OCLN: variants seen among roughly 807,000 people sequenced by gnomAD.
OCLN encodes the protein phosphatase 1, regulatory subunit 115.
In OCLN, 21 loss-of-function variants were observed where a neutral mutation model predicts 47.9. That is an observed-to-expected ratio of 0.44 (90% CI 0.31 to 0.63). The LOEUF (loss-of-function observed/expected upper bound fraction) is 0.63. OCLN is among the 30% of genes least tolerant of loss of function. OCLN has a pLI of 0.08. For missense variants in OCLN, 360 were observed against 571.0 expected (o/e 0.63, Z 3.77); for synonymous variants, 117 against 198.4 (o/e 0.59, Z 3.45).
At chr5:69,515,193 G>A (rs1398931338) in intron 4 of OCLN, among the ~76,000 whole-genome samples, 295 of 148,538 alleles carry the variant, frequency 2.0e-3, no homozygotes, top group African/African-American at 7.1e-3. Context: ...GCGGCTGGCC[G>A]GGCAGAGGGG....
In OCLN at chr5:69,515,137, G is replaced by T. The variant is rs980146849; in HGVS notation, c.891+1028G>T. On this transcript the variant is annotated intron_variant, in intron 4 of 8. Coordinates refer to ENST00000396442, the MANE Select transcript of OCLN (RefSeq NM_001205254.2). ...CGCCCCTCACCTCCTGGACCGGGCGGCTGGCCGGGCGGGGGGCTGACCCCC... is the reference window on the plus strand; with the variant it reads ...CGCCCCTCACCTCCTGGACCGGGCGTCTGGCCGGGCGGGGGGCTGACCCCC... Among the ~76,000 whole-genome samples the T allele has an allele frequency of 4.0e-5, 6 of 150,920 alleles. No individual in the cohort carries two copies. In the East Asian group the frequency reaches 8.0e-4, roughly 20 times the overall value.
chr5:69,530,921 T>G (rs1196534521), intron 4 of OCLN, among the ~76,000 whole-genome samples: 1 of 152,170 alleles, frequency 6.6e-6, no homozygotes, highest in East Asian at 1.9e-4. Context: ...GCAGCAAACT[T>G]GGGGCTCCCG....
In OCLN at chr5:69,532,818, A is replaced by G. The variant is rs544642813; in HGVS notation, c.892-1876A>G. On this transcript the variant is annotated intron_variant, in intron 4 of 8. Coordinates refer to ENST00000396442, the MANE Select transcript of OCLN (RefSeq NM_001205254.2). The stretch of plus-strand genomic sequence containing the variant: ...CCCCATCTCTACTAAAAATACAAAA[A>G]TTAGCCGGGCATGTTGGTGGGTGCC... 4.2e-4 allele frequency among the ~76,000 whole-genome samples: 64 copies of G among 152,054 alleles called. No homozygotes were observed. The South Asian group carries it at 4.6e-3, about 11-fold the overall frequency.
At chr5:69,508,028 A>G (rs1768655615) in intron 2 of OCLN, among the ~76,000 whole-genome samples, 3 of 152,112 alleles carry the variant, frequency 2.0e-5, no homozygotes, top group Admixed American at 1.3e-4. Flanking sequence ...TCTTCATATT[A>G]TATCTTTGAA....
Position 69,547,788 on chromosome 5 carries a change from C to A in OCLN, c.1254-142C>A, listed in dbSNP as rs187376284. On this transcript the variant is annotated intron_variant, in intron 6 of 8. Transcript: ENST00000396442. Reference sequence around the variant, plus strand: ...AATAGAACTTATTTGTATTCTCTCTCTCTTTCCCCATAAGAAACAAAAACG... The same window carrying A: ...AATAGAACTTATTTGTATTCTCTCTATCTTTCCCCATAAGAAACAAAAACG... The A allele has an allele frequency of 1.5e-3, 1,099 of 737,040 alleles. 30 individuals are homozygous for A. The African/African-American group carries it at 0.017, about 11-fold the overall frequency. 45.7% of individuals were successfully genotyped at this position (737,040 alleles called of 1,614,324 possible).
intron 7 of OCLN, among the ~76,000 whole-genome samples, chr5:69,549,934 A>G (rs1487381672): frequency 6.6e-6 from 1 of 150,986 alleles, no homozygotes; most frequent in African/African-American, 2.4e-5. Flanking sequence ...AAACAAACAA[A>G]AAAACTTCCT....
At chr5:69,531,127 G>T (rs1254175910) in intron 4 of OCLN, among the ~76,000 whole-genome samples, 1 of 152,234 alleles carries the variant, frequency 6.6e-6, no homozygotes, top group Admixed American at 6.5e-5. Context: ...TTCAATATTT[G>T]GCTAATTGTA....
In OCLN at chr5:69,533,828, G is replaced by C. The variant is rs560092846; in HGVS notation, c.892-866G>C. ...CCACCACGCCCAGCTAATTTTTTTT[G>C]TGTGTGTATTTTTAGTAGAAACGGG... On this transcript the variant is annotated intron_variant, in intron 4 of 8. Coordinates refer to ENST00000396442, the MANE Select transcript of OCLN (RefSeq NM_001205254.2). Among the ~76,000 whole-genome samples the C allele has an allele frequency of 2.0e-5, 3 of 152,058 alleles. No individual in the cohort carries two copies. The East Asian group carries it at 5.8e-4, about 29-fold the overall frequency.
intron 4 of OCLN, among the ~76,000 whole-genome samples, chr5:69,515,257 T>C (rs1313195815): frequency 1.1e-4 from 13 of 118,354 alleles, no homozygotes; most frequent in South Asian, 3.2e-4. Flanking sequence ...ACCTCCCGGA[T>C]GGGGCGGCTG....
chr5:69,533,047 A>G (rs1769483677), intron 4 of OCLN, among the ~76,000 whole-genome samples: 1 of 149,494 alleles, frequency 6.7e-6, no homozygotes, highest in South Asian at 2.1e-4. Flanking sequence ...ATGTATATAT[A>G]CACATATATA....
intron 4 of OCLN, among the ~76,000 whole-genome samples, chr5:69,525,411 G>A (rs937655014): frequency 6.6e-6 from 1 of 152,008 alleles, no homozygotes; most frequent in African/African-American, 2.4e-5. Flanking sequence ...GCCTGTGAGT[G>A]TACATTTCTA....
At chr5:69,515,998 T>C (rs1334283243) in intron 4 of OCLN, among the ~76,000 whole-genome samples, 1 of 147,734 alleles carries the variant, frequency 6.8e-6, no homozygotes, top group East Asian at 2.0e-4. Flanking sequence ...GCAGAGACGC[T>C]CCTCACTTTC....
At chr5:69,494,112 G>A (rs1768223951) in intron 1 of OCLN, among the ~76,000 whole-genome samples, 1 of 152,232 alleles carries the variant, frequency 6.6e-6, no homozygotes. Flanking sequence ...GATTCTTGGT[G>A]TGATAGAAAA....
intron 8 of OCLN, among the ~76,000 whole-genome samples, chr5:69,552,483 G>GCC (rs1769875705): frequency 1.9e-5 from 1 of 51,650 alleles, no homozygotes; most frequent in Non-Finnish European, 5.0e-5. Context: ...TTACAGGCAA[G>GCC]CACCACCACA....
At chr5:69,500,162 A>G (rs1768414668) in intron 1 of OCLN, among the ~76,000 whole-genome samples, 1 of 151,920 alleles carries the variant, frequency 6.6e-6, no homozygotes, top group Non-Finnish European at 1.5e-5. Context: ...ACCAGTGGAG[A>G]CCTCCCACCA....
chr5:69,554,409 C>T lies in OCLN; in HGVS notation c.*738C>T, dbSNP rs978613087. On this transcript the variant is annotated 3_prime_UTR_variant, in exon 9 of 9. Transcript: ENST00000396442. ...TTGTGTGTTTTTAAATACTTTTTAT[C>T]TTTTTGCATGCCTTTTTTAAAAAAC... is the stretch of plus-strand genomic sequence containing the variant. 1.4e-4 allele frequency: 22 copies of T among 152,114 alleles called. No homozygotes were observed. Among genetic ancestry groups the T allele is most frequent in the African/African-American group, 5.3e-4 (22 of 41,478 alleles). 9.4% of individuals were successfully genotyped at this position (152,114 alleles called of 1,614,324 possible).
At chr5:69,525,167 C>T (rs1004605791) in intron 4 of OCLN, among the ~76,000 whole-genome samples, 1 of 150,476 alleles carries the variant, frequency 6.6e-6, no homozygotes, top group Non-Finnish European at 1.5e-5. Flanking sequence ...TGCAGTGGTG[C>T]GATCTCGGCT....
chr5:69,524,980 C>T (rs1409692881), intron 4 of OCLN, among the ~76,000 whole-genome samples: 3 of 152,128 alleles, frequency 2.0e-5, no homozygotes, highest in East Asian at 1.9e-4. Context: ...AGTGTAATCC[C>T]GTGAATCCCG....
intron 3 of OCLN, among the ~76,000 whole-genome samples, chr5:69,511,222 C>T (rs1378421662): frequency 2.0e-5 from 3 of 149,472 alleles, no homozygotes; most frequent in African/African-American, 4.9e-5. Context: ...CTACAGGCAC[C>T]GGCCACCACG....
Sources: gnomAD v4.1 joint callset for allele counts (sites outside exome capture counted in the v4.1 genomes callset) on GRCh38, gnomAD v4.1.1 for gene constraint, MANE v1.5 for transcripts, NCBI Gene and HGNC (gene_info 2026-07-23, HGNC 2026-07-21) for gene names.